Variants in TLK1 observed in about 807,000 individuals in gnomAD.
TLK1 encodes tousled like kinase 1.
Under a neutral mutation model 105.3 loss-of-function variants are expected in TLK1, and 24 were observed. That is an observed-to-expected ratio of 0.23 (90% confidence interval 0.17 to 0.32). TLK1 has a LOEUF of 0.32. TLK1 is among the 10% of genes least tolerant of loss of function. TLK1 has a pLI of 1.00. For missense variants in TLK1, 558 were observed against 910.5 expected (o/e 0.61, Z 4.98); for synonymous variants, 321 against 310.4 (o/e 1.03, Z -0.36).
At chr2:171,173,892 T>C (rs1692774485) in intron 1 of TLK1, among the ~76,000 whole-genome samples, 1 of 152,058 alleles carries the variant, frequency 6.6e-6, no homozygotes, top group African/African-American at 2.4e-5. Context: ...ACAAGAGAAC[T>C]GAGAGTCATT....
chr2:171,105,820 A>C (rs1689899911), intron 2 of TLK1, among the ~76,000 whole-genome samples: 1 of 152,238 alleles, frequency 6.6e-6, no homozygotes, highest in Non-Finnish European at 1.5e-5. Flanking sequence ...AAAAAAAAAG[A>C]TACAACTACC....
chr2:170,996,561 G>A lies in TLK1; in HGVS notation c.2124+92C>T. 5 of 1,024,006 alleles carry A rather than the reference G, an allele frequency of 4.9e-6. No homozygotes were observed. The South Asian group carries it at 7.8e-5, about 16-fold the overall frequency. The allele number at this position is 1,024,006 out of a possible 1,614,324, so 63.4% of individuals were successfully genotyped here. A position where few individuals can be genotyped will look rare whatever the true frequency, so the allele number is the denominator to read the frequency against. On this transcript the variant is annotated intron_variant, in intron 20 of 20. Transcript: ENST00000431350. ...GATCCCCTGCAGCAGCGAGTCTTGTGACTTTACTTACTGGAAAGTACTTAC... is the reference window on the plus strand; with the variant it reads ...GATCCCCTGCAGCAGCGAGTCTTGTAACTTTACTTACTGGAAAGTACTTAC...
intron 1 of TLK1, among the ~76,000 whole-genome samples, chr2:171,178,580 G>GT (rs1317066765): frequency 4.6e-5 from 7 of 152,198 alleles, no homozygotes; most frequent in African/African-American, 1.7e-4. Context: ...CAGTGGAAAA[G>GT]TAACTCCAAG....
intron 1 of TLK1, chr2:171,154,389 T>A (rs1167103764): frequency 6.6e-6 from 1 of 151,602 alleles, no homozygotes; most frequent in Non-Finnish European, 1.5e-5. Flanking sequence ...ATTTTACAGA[T>A]GAAAAGAGGC....
At chr2:171,109,175 A>G (rs1017858643) in intron 2 of TLK1, among the ~76,000 whole-genome samples, 1 of 152,248 alleles carries the variant, frequency 6.6e-6, no homozygotes, top group Non-Finnish European at 1.5e-5. Context: ...TAAGATCTGA[A>G]CAAATACAAT....
chr2:171,124,718 G>GT lies in TLK1; in HGVS notation c.140-6862dup, dbSNP rs555166266. On this transcript the variant is annotated intron_variant, in intron 1 of 20. Transcript: ENST00000431350. ...CTCCAACTAAGCCTTTTGCTGCTCC[G>GT]TATGTATTCTATCACCACCGCTTGC... 7.9e-4 allele frequency among the ~76,000 whole-genome samples: 120 copies of GT among 152,278 alleles called. No homozygotes were observed. The Middle Eastern group carries it at 0.017, about 22-fold the overall frequency.
intron 1 of TLK1, among the ~76,000 whole-genome samples, chr2:171,146,333 C>A (rs1691790583): frequency 6.6e-6 from 1 of 152,044 alleles, no homozygotes; most frequent in Non-Finnish European, 1.5e-5. Flanking sequence ...GAATGTGATT[C>A]TTTTGTAGTT....
intron 1 of TLK1, among the ~76,000 whole-genome samples, chr2:171,196,474 T>A (rs573678783): frequency 2.0e-5 from 3 of 152,160 alleles, no homozygotes; most frequent in Non-Finnish European, 4.4e-5. Flanking sequence ...TGGATAATTG[T>A]CTCCTGGTAA....
chr2:171,182,391 C>T (rs1231979949), intron 1 of TLK1, among the ~76,000 whole-genome samples: 1 of 152,192 alleles, frequency 6.6e-6, no homozygotes, highest in Non-Finnish European at 1.5e-5. Context: ...ATGGGACATA[C>T]TGACATTGTG....
intron 4 of TLK1, among the ~76,000 whole-genome samples, chr2:171,059,701 G>A (rs926770338): frequency 6.6e-6 from 1 of 152,126 alleles, no homozygotes; most frequent in Admixed American, 6.5e-5. Context: ...TTTTGTGGAA[G>A]ACAATTTATC....
At chr2:171,137,437 A>G (rs1486474088) in intron 1 of TLK1, among the ~76,000 whole-genome samples, 1 of 152,170 alleles carries the variant, frequency 6.6e-6, no homozygotes, top group Non-Finnish European at 1.5e-5. Context: ...AAAAAGCCAT[A>G]GCCTTTTCTG....
intron 4 of TLK1, among the ~76,000 whole-genome samples, chr2:171,060,873 CATG>C (rs1206797980): frequency 6.6e-6 from 1 of 152,096 alleles, no homozygotes; most frequent in Non-Finnish European, 1.5e-5. Context: ...CAGATTTGGA[CATG>C]ATACTTGTCT....
chr2:170,994,360 TAAAGA>T (rs1683946560), intron 20 of TLK1, among the ~76,000 whole-genome samples: 1 of 152,112 alleles, frequency 6.6e-6, no homozygotes, highest in South Asian at 2.1e-4. Context: ...CCTACTGACA[TAAAGA>T]CTTTCTTTAG....
At chr2:171,031,740 T>C (rs1235006890) in intron 11 of TLK1, among the ~76,000 whole-genome samples, 1 of 152,194 alleles carries the variant, frequency 6.6e-6, no homozygotes, top group Non-Finnish European at 1.5e-5. Context: ...ATTTTAAAAG[T>C]GTTCTAAAAT....
At chr2:171,012,772 T>C (rs1684982326) in intron 13 of TLK1, among the ~76,000 whole-genome samples, 1 of 152,104 alleles carries the variant, frequency 6.6e-6, no homozygotes, top group South Asian at 2.1e-4. Context: ...CCACAACGCC[T>C]GGCCAAAATA....
chr2:171,065,013 T>C (rs1687922356), intron 3 of TLK1, among the ~76,000 whole-genome samples: 1 of 146,428 alleles, frequency 6.8e-6, no homozygotes, highest in South Asian at 2.1e-4. Flanking sequence ...TCATGTAGCC[T>C]GCTGCTTTTA....
chr2:171,021,431 G>A (rs997428277), intron 12 of TLK1, among the ~76,000 whole-genome samples: 1 of 122,856 alleles, frequency 8.1e-6, no homozygotes, highest in Non-Finnish European at 1.6e-5. Context: ...TTCCCGCCCC[G>A]ACTTTTTTTT....
chr2:171,160,744 A>G lies in TLK1; in HGVS notation c.-316T>C. On this transcript the variant is annotated 5_prime_UTR_variant, in exon 1 of 21. Coordinates refer to ENST00000431350, the MANE Select transcript of TLK1 (RefSeq NM_012290.5). The surrounding 1 kb of genome is among the most constrained non-coding windows in gnomAD (Gnocchi z 4.4). ...GGGGTGCCAGCCGGGCCGGGGTCGGAGCGCGGGCGGAGCGCGGGCTGCGCC... is the reference window on the plus strand; with the variant it reads ...GGGGTGCCAGCCGGGCCGGGGTCGGGGCGCGGGCGGAGCGCGGGCTGCGCC... 2.4e-6 allele frequency: 1 copy of G among 419,934 alleles called. No homozygotes were observed. The highest frequency in any genetic ancestry group is 4.1e-6 in the Non-Finnish European group (1 of 242,488). 26.0% of individuals were successfully genotyped at this position (419,934 alleles called of 1,614,324 possible).
At chr2:171,111,100 T>G (rs1690138989) in intron 2 of TLK1, among the ~76,000 whole-genome samples, 1 of 152,106 alleles carries the variant, frequency 6.6e-6, no homozygotes, top group Admixed American at 6.5e-5. Context: ...AAACAAAAAT[T>G]TGTTTATTTG....
Sources: gnomAD v4.1 joint callset for allele counts (sites outside exome capture counted in the v4.1 genomes callset) on GRCh38, gnomAD v4.1.1 for gene constraint, Gnocchi (gnomAD v3.1) non-coding constraint, MANE v1.5 for transcripts, NCBI Gene and HGNC (gene_info 2026-07-23, HGNC 2026-07-21) for gene names.